The following FAM13C variants were observed in gnomAD, a reference collection of about 807,000 sequenced individuals.
FAM13C encodes the protein protein FAM13C.
FAM13C carries 37 observed loss-of-function variants against 73.2 expected under a neutral mutation model. The ratio of observed to expected loss-of-function variants is 0.51; its 90% CI spans 0.39 to 0.67. The LOEUF is 0.67. Ranked by LOEUF, FAM13C falls within the 30% of genes least tolerant of loss-of-function variation. FAM13C has a pLI of 0.00. For missense variants in FAM13C, 589 were observed against 715.6 expected, an observed-to-expected ratio of 0.82 and a Z score of 2.02; for synonymous variants, 246 against 260.9, an observed-to-expected ratio of 0.94 and a Z score of 0.55.
chr10:59,296,516 C>A (rs547265943), intron 5 of FAM13C, among the ~76,000 whole-genome samples: 1 of 152,138 alleles, frequency 6.6e-6, no homozygotes, highest in Non-Finnish European at 1.5e-5. Flanking sequence ...TAAATCATCT[C>A]TTTTATACCA....
In FAM13C at chr10:59,250,099, A is replaced by C. The variant is rs564865530; in HGVS notation, c.1634+1476T>G. 2.6e-5 allele frequency among the ~76,000 whole-genome samples: 4 copies of C among 152,354 alleles called. No individual in the cohort carries two copies. The South Asian group carries it at 8.3e-4, about 32-fold the overall frequency. ...ATATGTAATGACTGTTTAGATTTAG[A>C]ATATGTGATAACATCTCCACAAATA... On this transcript the variant is annotated intron_variant, in intron 13 of 13. Transcript: ENST00000618804.
intron 8 of FAM13C, among the ~76,000 whole-genome samples, chr10:59,266,630 T>TGTGTATTCCCCTACA (rs1479924690): frequency 6.6e-6 from 1 of 152,212 alleles, no homozygotes; most frequent in Non-Finnish European, 1.5e-5. Context: ...CTTCCCCTAC[T>TGTGTATTCCCCTACA]GCTCCCTGAT....
intron 3 of FAM13C, among the ~76,000 whole-genome samples, chr10:59,335,430 A>C (rs1394167092): frequency 6.6e-6 from 1 of 152,174 alleles, no homozygotes; most frequent in Non-Finnish European, 1.5e-5. Flanking sequence ...ATAAAGGAAA[A>C]GCTTAATACC....
At chr10:59,322,350 C>T (rs894962667) in intron 4 of FAM13C, among the ~76,000 whole-genome samples, 12 of 152,154 alleles carry the variant, frequency 7.9e-5, no homozygotes, top group Admixed American at 2.6e-4. Flanking sequence ...CCAGATCCTG[C>T]GATTGCTGAC....
chr10:59,282,545 T>C (rs1161108062), intron 6 of FAM13C: 1 of 152,154 alleles, frequency 6.6e-6, no homozygotes, highest in African/African-American at 2.4e-5. Flanking sequence ...GTGTAAATCT[T>C]TGCCTTCAAC....
intron 5 of FAM13C, among the ~76,000 whole-genome samples, chr10:59,284,741 C>CCA (rs3078286): frequency 0.21 from 30,515 of 148,606 alleles, 3,969 homozygotes; most frequent in African/African-American, 0.36. Context: ...ACCCCACCTT[C>CCA]CACACACACA....
intron 10 of FAM13C, among the ~76,000 whole-genome samples, chr10:59,258,259 G>A (rs960589896): frequency 6.6e-6 from 1 of 152,104 alleles, no homozygotes; most frequent in African/African-American, 2.4e-5. Flanking sequence ...TGAGGTGGGA[G>A]CATGCCTTAA....
intron 5 of FAM13C, among the ~76,000 whole-genome samples, chr10:59,295,142 T>C (rs1035097288): frequency 3.3e-5 from 5 of 152,228 alleles, no homozygotes; most frequent in African/African-American, 1.2e-4. Context: ...GACTCTTATT[T>C]CACTGTGTGG....
intron 10 of FAM13C, among the ~76,000 whole-genome samples, chr10:59,254,817 T>A (rs142917562): frequency 6.6e-6 from 1 of 151,808 alleles, no homozygotes; most frequent in Non-Finnish European, 1.5e-5. Context: ...GTTGGCCAGG[T>A]TGGTTTCAAA....
At chr10:59,362,629 G>A, upstream of FAM13C, 4 of 1,424,356 alleles carry the variant, frequency 2.8e-6, no homozygotes, top group South Asian at 1.5e-5. Flanking sequence ...GGGGCCCAGC[G>A]GCACGGGCGA....
chr10:59,316,879 C>T (rs773484192), intron 4 of FAM13C, among the ~76,000 whole-genome samples: 1 of 151,990 alleles, frequency 6.6e-6, no homozygotes, highest in Non-Finnish European at 1.5e-5. Flanking sequence ...AAACAAGTTA[C>T]ATAGCAATGT....
At chr10:59,348,675 G>C (rs1046759108) in intron 3 of FAM13C, among the ~76,000 whole-genome samples, 1 of 151,930 alleles carries the variant, frequency 6.6e-6, no homozygotes, top group African/African-American at 2.4e-5. Context: ...GTCTTGCTCT[G>C]TTGCCCAGGC....
intron 4 of FAM13C, among the ~76,000 whole-genome samples, chr10:59,313,945 T>C (rs997983570): frequency 6.6e-6 from 1 of 152,190 alleles, no homozygotes; most frequent in African/African-American, 2.4e-5. Context: ...TTCAGCACTG[T>C]GCTGAAAACT....
Position 59,349,102 on chromosome 10 carries a change from G to T in FAM13C, c.324+3168C>A, listed in dbSNP as rs187699336. On this transcript the variant is annotated intron_variant, in intron 3 of 13. Transcript: ENST00000618804. ...TGGAACGATTTTACTGTCTTTTTTT[G>T]CATGTCACATTACGTGCTATGCTTA... Among the ~76,000 whole-genome samples the T allele has an allele frequency of 2.6e-3, 401 of 151,802 alleles. 1 individual carries two copies. The highest frequency in any genetic ancestry group is 6.8e-3 in the Middle Eastern group (2 of 294).
At chr10:59,310,097 C>G (rs1848746279) in intron 4 of FAM13C, among the ~76,000 whole-genome samples, 1 of 152,168 alleles carries the variant, frequency 6.6e-6, no homozygotes, top group Non-Finnish European at 1.5e-5. Flanking sequence ...AAAAAGAGAG[C>G]ATCCAACACA....
chr10:59,325,980 G>C (rs1001092044), intron 3 of FAM13C, among the ~76,000 whole-genome samples: 1 of 151,672 alleles, frequency 6.6e-6, no homozygotes, highest in Non-Finnish European at 1.5e-5. Flanking sequence ...AACTCTAAAA[G>C]GTTTAAATCA....
chr10:59,280,109 A>G (rs1193881875), intron 6 of FAM13C, among the ~76,000 whole-genome samples: 1 of 152,224 alleles, frequency 6.6e-6, no homozygotes, highest in Non-Finnish European at 1.5e-5. Flanking sequence ...ACAAAGACTC[A>G]GTCTATAACA....
Position 59,247,212 on chromosome 10 carries a change from C to G in FAM13C, c.*402G>C, listed in dbSNP as rs533843675. The G allele has an allele frequency of 6.0e-6, 1 of 165,734 alleles. No individual in the cohort carries two copies. Among genetic ancestry groups the G allele is most frequent in the African/African-American group, 2.4e-5 (1 of 41,840 alleles). The allele number at this position is 165,734 out of a possible 1,614,324, so 10.3% of individuals were successfully genotyped here. A position where few individuals can be genotyped will look rare whatever the true frequency, so the allele number is the denominator to read the frequency against. ...CTTGAAAAGCGAATTTCTTTTCCTC[C>G]TATGATTGATTTTTTAAAATCATGC... is the stretch of plus-strand genomic sequence containing the variant. On this transcript the variant is annotated 3_prime_UTR_variant, in exon 14 of 14. Coordinates refer to ENST00000618804, the MANE Select transcript of FAM13C (RefSeq NM_198215.4).
chr10:59,321,432 CTTTTTT>C (rs1057110939), intron 4 of FAM13C, among the ~76,000 whole-genome samples: 1,203 of 58,054 alleles, frequency 0.021, 21 homozygotes, highest in African/African-American at 0.068. Flanking sequence ...CTGCCAACAC[CTTTTTT>C]TTTTTTTTTT....
Sources: gnomAD v4.1 joint callset for allele counts (sites outside exome capture counted in the v4.1 genomes callset) on GRCh38, gnomAD v4.1.1 for gene constraint, MANE v1.5 for transcripts, NCBI Gene and HGNC (gene_info 2026-07-23, HGNC 2026-07-21) for gene names.